B3GALT1: variants seen among roughly 807,000 people sequenced by gnomAD.
The protein encoded by B3GALT1 is beta-1,3-galactosyltransferase 1, also known as UDP-Gal:betaGlcNAc beta 1,3-galactosyltransferase, polypeptide 1.
Under a neutral mutation model 23.2 loss-of-function variants are expected in B3GALT1, and 10 were observed. The observed-to-expected ratio is 0.43, with a 90% CI of 0.27 to 0.73. B3GALT1 has a LOEUF of 0.73. B3GALT1 is among the 30% of genes least tolerant of loss of function. The probability of loss-of-function intolerance (pLI) is 0.21; values close to 1 mark genes in which losing one functional copy is unlikely to be tolerated. For synonymous variants in B3GALT1, 156 were observed against 141.5 expected (o/e 1.10, Z -0.73); for missense variants, 299 against 405.4 (o/e 0.74, Z 2.25).
intron 3 of B3GALT1, among the ~76,000 whole-genome samples, chr2:167,810,531 G>T (rs1454909649): frequency 6.6e-6 from 1 of 150,954 alleles, no homozygotes; most frequent in African/African-American, 2.5e-5. Context: ...TATCTTTGGG[G>T]TTACTGTTGT....
chr2:167,435,941 CCACACACACACAAACACACA>C (rs1322930289), intron 1 of B3GALT1, among the ~76,000 whole-genome samples: 14 of 144,042 alleles, frequency 9.7e-5, no homozygotes, highest in Non-Finnish European at 1.9e-4. Context: ...TGTCTACCCT[CCACACACACACAAACACACA>C]CACACACACA....
chr2:167,306,824 C>T (rs1406880793), intron 1 of B3GALT1, among the ~76,000 whole-genome samples: 1 of 152,118 alleles, frequency 6.6e-6, no homozygotes, highest in South Asian at 2.1e-4. Context: ...ATCTAACACT[C>T]TTTGCCCTGC....
intron 4 of B3GALT1, among the ~76,000 whole-genome samples, chr2:167,830,381 A>C (rs1439055772): frequency 6.6e-6 from 1 of 152,136 alleles, no homozygotes; most frequent in African/African-American, 2.4e-5. Context: ...TACTTAAAAA[A>C]AAAAAAAAAG....
chr2:167,378,229 C>T (rs1697794204), intron 1 of B3GALT1, among the ~76,000 whole-genome samples: 1 of 151,976 alleles, frequency 6.6e-6, no homozygotes, highest in Admixed American at 6.6e-5. Context: ...TGTGATGTGC[C>T]TTTTTTCTCT....
intron 3 of B3GALT1, among the ~76,000 whole-genome samples, chr2:167,706,686 C>G (rs1379300005): frequency 1.3e-5 from 2 of 152,200 alleles, no homozygotes; most frequent in African/African-American, 2.4e-5. Flanking sequence ...CTTTGAAGTA[C>G]ACATGGAATA....
intron 3 of B3GALT1, among the ~76,000 whole-genome samples, chr2:167,770,414 T>A (rs954447582): frequency 6.6e-6 from 1 of 152,254 alleles, no homozygotes; most frequent in East Asian, 1.9e-4. Flanking sequence ...ATTTTCCATT[T>A]GTATATTCTT....
chr2:167,634,626 T>C (rs775574959), intron 2 of B3GALT1, among the ~76,000 whole-genome samples: 1 of 152,050 alleles, frequency 6.6e-6, no homozygotes, highest in East Asian at 1.9e-4. Flanking sequence ...CCTGGACATA[T>C]ACATCCTTCC....
At chr2:167,512,610 A>G (rs1382474737) in intron 2 of B3GALT1, among the ~76,000 whole-genome samples, 1,107 of 110,680 alleles carry the variant, frequency 0.01, 47 homozygotes, top group East Asian at 0.018. Context: ...ATATATATGT[A>G]TATATATATA....
chr2:167,740,906 G>C (rs1687568251), intron 3 of B3GALT1, among the ~76,000 whole-genome samples: 1 of 152,150 alleles, frequency 6.6e-6, no homozygotes, highest in Non-Finnish European at 1.5e-5. Context: ...GCCCACTTCA[G>C]CTGGTAAATA....
At chr2:167,464,634 A>G (rs534329007) in intron 1 of B3GALT1, among the ~76,000 whole-genome samples, 1 of 152,268 alleles carries the variant, frequency 6.6e-6, no homozygotes, top group Admixed American at 6.5e-5. Flanking sequence ...TTAAAAACTC[A>G]GCTTTTCTGA....
intron 2 of B3GALT1, among the ~76,000 whole-genome samples, chr2:167,492,218 G>T (rs1699720425): frequency 1.3e-5 from 2 of 152,124 alleles, no homozygotes; most frequent in African/African-American, 4.8e-5. Flanking sequence ...ATGACATATA[G>T]TTGGAATAAT....
At chr2:167,443,524 A>ATTTG (rs1259393734) in intron 1 of B3GALT1, among the ~76,000 whole-genome samples, 2,624 of 151,886 alleles carry the variant, frequency 0.017, 80 homozygotes, top group African/African-American at 0.061. Context: ...ATATTCTTCC[A>ATTTG]TTTGTGTCCT....
chr2:167,445,166 T>G (rs192296276), intron 1 of B3GALT1, among the ~76,000 whole-genome samples: 21 of 152,356 alleles, frequency 1.4e-4, no homozygotes, highest in African/African-American at 4.8e-4. Flanking sequence ...TCCATGTTGT[T>G]GAGCAGTTTG....
chr2:167,296,687 G>A (rs1269054540), intron 1 of B3GALT1, among the ~76,000 whole-genome samples: 1 of 152,050 alleles, frequency 6.6e-6, no homozygotes. Context: ...AAATTGTACT[G>A]TGTTCCTACT....
intron 3 of B3GALT1, among the ~76,000 whole-genome samples, chr2:167,732,079 G>A (rs1687419014): frequency 6.6e-6 from 1 of 152,134 alleles, no homozygotes. Flanking sequence ...ATATGGCCAA[G>A]AAGAAGTACT....
chr2:167,843,147 A>T (rs1689683730), intron 4 of B3GALT1, among the ~76,000 whole-genome samples: 1 of 152,238 alleles, frequency 6.6e-6, no homozygotes, highest in Non-Finnish European at 1.5e-5. Flanking sequence ...TGACAAAATT[A>T]AAAATCCTGA....
At chr2:167,445,375 T>C (rs1056820238) in intron 1 of B3GALT1, among the ~76,000 whole-genome samples, 1 of 152,232 alleles carries the variant, frequency 6.6e-6, no homozygotes, top group Non-Finnish European at 1.5e-5. Flanking sequence ...TAGATGTCTA[T>C]TAGGTCCACT....
At chr2:167,616,575 G>A (rs1229961827) in intron 2 of B3GALT1, among the ~76,000 whole-genome samples, 2 of 151,918 alleles carry the variant, frequency 1.3e-5, no homozygotes, top group African/African-American at 4.8e-5. Context: ...GGTGGTGCAT[G>A]TCTGTAATCC....
intron 1 of B3GALT1, among the ~76,000 whole-genome samples, chr2:167,366,681 A>G (rs1697592719): frequency 6.6e-6 from 1 of 152,176 alleles, no homozygotes; most frequent in Non-Finnish European, 1.5e-5. Flanking sequence ...GGCACTAGGG[A>G]GTTGCTCATC....
Sources: allele counts gnomAD v4.1 joint callset (sites outside exome capture counted in the v4.1 genomes callset), GRCh38; gene constraint gnomAD v4.1.1; transcripts MANE v1.5; gene names NCBI Gene and HGNC (gene_info 2026-07-23, HGNC 2026-07-21).